The following EPHA6 variants were observed in gnomAD, a reference collection of about 807,000 sequenced individuals.
The protein encoded by EPHA6 is ephrin type-A receptor 6.
EPHA6 carries 50 observed loss-of-function variants against 112.0 expected under a neutral mutation model. That is an observed-to-expected ratio of 0.45 (90% CI 0.36 to 0.56). The LOEUF (loss-of-function observed/expected upper bound fraction) is 0.56, where lower values mean the gene tolerates loss of function less well. Among genes scored for constraint, EPHA6 ranks in the 20% least tolerant of loss-of-function variants. The pLI, the probability that EPHA6 is intolerant of heterozygous loss-of-function variation, is 0.00. For synonymous variants in EPHA6, 529 were observed against 490.7 expected (o/e 1.08, Z -1.03); for missense variants, 1,280 against 1,417.4 (o/e 0.90, Z 1.56).
chr3:97,742,340 G>T (rs1355992229), intron 16 of EPHA6, among the ~76,000 whole-genome samples: 1 of 152,080 alleles, frequency 6.6e-6, no homozygotes, highest in South Asian at 2.1e-4. Context: ...AGGTTCAGGG[G>T]TCTATTACTC....
intron 10 of EPHA6, among the ~76,000 whole-genome samples, chr3:97,528,137 C>A (rs1392624123): frequency 1.2e-4 from 18 of 152,080 alleles, no homozygotes; most frequent in Admixed American, 1.2e-3. Context: ...GGCACAATGA[C>A]CTTGCCTTTG....
At chr3:97,557,119 A>G (rs374026226) in intron 11 of EPHA6, among the ~76,000 whole-genome samples, 21 of 152,160 alleles carry the variant, frequency 1.4e-4, no homozygotes, top group African/African-American at 4.1e-4. Flanking sequence ...TTCATGAGTC[A>G]AAGAATTTGA....
chr3:97,438,050 A>G (rs1425094705), intron 6 of EPHA6, among the ~76,000 whole-genome samples: 2 of 152,180 alleles, frequency 1.3e-5, no homozygotes, highest in Non-Finnish European at 2.9e-5. Context: ...ACTATAATAT[A>G]CTTTTAACAA....
At chr3:97,322,022 G>A (rs376846498) in intron 5 of EPHA6, among the ~76,000 whole-genome samples, 6 of 152,092 alleles carry the variant, frequency 3.9e-5, no homozygotes, top group African/African-American at 1.4e-4. Flanking sequence ...CTGTTTCCAG[G>A]TCCTAGCTAT....
rs138141951 is a variant in EPHA6 at position 97,043,603 on chromosome 3, C to A, written c.1114+55610C>A. 1.8e-4 allele frequency among the ~76,000 whole-genome samples: 28 copies of A among 152,282 alleles called. 1 individual carries two copies. The highest frequency in any genetic ancestry group is 6.7e-4 in the African/African-American group (28 of 41,568). ...CAGGCTCCACAGCTGGATCACTTCA[C>A]TTCCACCCTCCCACCCTGAGTGAGC... On this transcript the variant is annotated intron_variant, in intron 3 of 17. Coordinates refer to ENST00000389672, the MANE Select transcript of EPHA6 (RefSeq NM_001080448.3).
chr3:96,952,822 A>C (rs780464552), intron 2 of EPHA6, among the ~76,000 whole-genome samples: 4 of 152,106 alleles, frequency 2.6e-5, no homozygotes, highest in South Asian at 4.1e-4. Context: ...ACACATGGAC[A>C]CATAGAGGGG....
At chr3:97,334,224 C>A (rs1313662394) in intron 5 of EPHA6, among the ~76,000 whole-genome samples, 1 of 151,794 alleles carries the variant, frequency 6.6e-6, no homozygotes, top group East Asian at 1.9e-4. Context: ...AAGATCTTTG[C>A]ATTTATAAGA....
intron 3 of EPHA6, among the ~76,000 whole-genome samples, chr3:97,142,096 T>C (rs2075922495): frequency 6.6e-6 from 1 of 151,994 alleles, no homozygotes; most frequent in Non-Finnish European, 1.5e-5. Context: ...TCTTGATGGC[T>C]AAAAAGTCAA....
chr3:97,483,130 G>A (rs941041204), intron 9 of EPHA6, among the ~76,000 whole-genome samples: 2 of 152,128 alleles, frequency 1.3e-5, no homozygotes, highest in African/African-American at 4.8e-5. Context: ...AAAACAGAGG[G>A]ATATTCATGG....
intron 10 of EPHA6, among the ~76,000 whole-genome samples, chr3:97,515,572 C>T (rs1027130353): frequency 1.6e-4 from 25 of 152,290 alleles, no homozygotes; most frequent in South Asian, 6.2e-4. Context: ...AAGTGAAGCT[C>T]TTTCAATGTA....
At chr3:97,020,470 AC>A (rs1346435675) in intron 3 of EPHA6, among the ~76,000 whole-genome samples, 5 of 152,214 alleles carry the variant, frequency 3.3e-5, no homozygotes, top group African/African-American at 7.2e-5. Flanking sequence ...CCTGCAGAGT[AC>A]CTAAGTCTGT....
chr3:96,869,587 A>G (rs891930071), intron 2 of EPHA6, among the ~76,000 whole-genome samples: 4 of 152,070 alleles, frequency 2.6e-5, no homozygotes, highest in Admixed American at 2.0e-4. Context: ...ACCTGTAATC[A>G]TAGGCTAAAC....
At chr3:97,284,370 G>A (rs1473526941) in intron 5 of EPHA6, among the ~76,000 whole-genome samples, 2 of 152,026 alleles carry the variant, frequency 1.3e-5, no homozygotes, top group Admixed American at 6.6e-5. Context: ...TTAGTTTAAG[G>A]AAAGTAATCC....
intron 10 of EPHA6, among the ~76,000 whole-genome samples, chr3:97,500,311 T>C (rs1440088663): frequency 5.9e-5 from 9 of 151,964 alleles, no homozygotes; most frequent in Non-Finnish European, 1.2e-4. Context: ...GAGGTTTAAT[T>C]GGGTTAAAAT....
chr3:97,497,049 C>T (rs1266638815), intron 10 of EPHA6, among the ~76,000 whole-genome samples: 1 of 152,302 alleles, frequency 6.6e-6, no homozygotes, highest in Non-Finnish European at 1.5e-5. Flanking sequence ...CCCACCAACA[C>T]CTCTCCTAGC....
intron 11 of EPHA6, among the ~76,000 whole-genome samples, chr3:97,535,539 G>C (rs899802978): frequency 6.6e-6 from 1 of 152,066 alleles, no homozygotes; most frequent in Admixed American, 6.6e-5. Context: ...CTTGACTCAA[G>C]TGCTATGGGA....
chr3:96,888,266 T>A (rs923114866), intron 2 of EPHA6, among the ~76,000 whole-genome samples: 4 of 152,126 alleles, frequency 2.6e-5, no homozygotes, highest in African/African-American at 9.7e-5. Context: ...TTTCTACTGC[T>A]TCCCCTACCA....
chr3:97,159,617 A>G (rs910765478), intron 3 of EPHA6, among the ~76,000 whole-genome samples: 3 of 152,060 alleles, frequency 2.0e-5, no homozygotes, highest in African/African-American at 7.2e-5. Flanking sequence ...CCTGTAAGAT[A>G]TTGCTACCTT....
intron 3 of EPHA6, among the ~76,000 whole-genome samples, chr3:97,165,339 A>C (rs1394950839): frequency 1.3e-5 from 2 of 152,178 alleles, no homozygotes; most frequent in Non-Finnish European, 2.9e-5. Context: ...TATTTTCAAC[A>C]TCAGATTATA....
Sources: allele counts gnomAD v4.1 joint callset (sites outside exome capture counted in the v4.1 genomes callset), GRCh38; gene constraint gnomAD v4.1.1; transcripts MANE v1.5; gene names NCBI Gene and HGNC (gene_info 2026-07-23, HGNC 2026-07-21).